The following ADGRD1 variants were observed in gnomAD, a reference collection of about 807,000 sequenced individuals.
The protein encoded by ADGRD1 is adhesion G protein-coupled receptor D1, also known as G-protein coupled receptor 133.
ADGRD1 carries 77 observed loss-of-function variants against 113.4 expected under a neutral mutation model. The observed-to-expected ratio is 0.68, with a 90% CI of 0.57 to 0.82. The LOEUF (loss-of-function observed/expected upper bound fraction) is 0.82. Among genes scored for constraint, ADGRD1 ranks in the 40% least tolerant of loss-of-function variants. The probability of loss-of-function intolerance (pLI) is 0.00; values close to 1 mark genes in which losing one functional copy is unlikely to be tolerated. For missense variants in ADGRD1, 1,036 were observed against 1,139.1 expected (o/e 0.91, Z 1.30); for synonymous variants, 474 against 475.0 (o/e 1.00, Z 0.03).
In ADGRD1 at chr12:131,108,745, G is replaced by A. The variant is rs766209925; in HGVS notation, c.1909G>A (p.Val637Met). ...PGTTPCQVMA[V>M]LLHYFFLSAF... ...CTAGACCCCCTGCCAAGTGATGGCC[G>A]TGCTCCTACACTACTTCTTCCTGAG... is the stretch of plus-strand genomic sequence containing the variant. The change falls in exon 18 of 25, where the codon GTG (valine) becomes ATG (methionine). Residue 637 changes from valine to methionine, a missense_variant. By Grantham distance (21) the Val-to-Met change is conservative. Transcript: ENST00000261654. 6.2e-6 allele frequency: 10 copies of A among 1,613,858 alleles called. No individual in the cohort carries two copies. The African/African-American group carries it at 6.7e-5, about 11-fold the overall frequency.
chr12:131,085,779 G>A (rs1022414946), intron 15 of ADGRD1, among the ~76,000 whole-genome samples: 9 of 152,200 alleles, frequency 5.9e-5, no homozygotes, highest in African/African-American at 1.9e-4. Context: ...GCTGGTGTTG[G>A]GCATTTTGGG....
Position 131,060,591 on chromosome 12 carries a change from G to A in ADGRD1, c.1474-16210G>A, listed in dbSNP as rs140604246. On this transcript the variant is annotated intron_variant, in intron 13 of 24. Transcript: ENST00000261654. This position sits in a 1 kb window ranked among gnomAD's most constrained non-coding sequence, Gnocchi z 4.4. ...TTACGGACACCAGCAGCCTCTCCAG[G>A]GGCATCAGCAGCCGTACCACTAAAC... Among the ~76,000 whole-genome samples, 2 of 152,222 alleles carry A rather than the reference G, an allele frequency of 1.3e-5. No homozygotes were observed. The highest frequency in any genetic ancestry group is 2.4e-5 in the African/African-American group (1 of 41,552).
At chr12:131,053,372 C>G (rs747648907) in intron 13 of ADGRD1, among the ~76,000 whole-genome samples, 30 of 152,222 alleles carry the variant, frequency 2.0e-4, no homozygotes, top group Non-Finnish European at 1.9e-4. Context: ...CGTCTTCATT[C>G]GATCAAGGCT....
At chr12:131,098,535 G>A (rs1949997482) in intron 15 of ADGRD1, among the ~76,000 whole-genome samples, 1 of 152,172 alleles carries the variant, frequency 6.6e-6, no homozygotes. Context: ...TCAAGGCAGA[G>A]GCTCTAGAAA....
At chr12:131,071,926 C>T (rs1001593659) in intron 13 of ADGRD1, among the ~76,000 whole-genome samples, 4 of 150,806 alleles carry the variant, frequency 2.7e-5, no homozygotes, top group South Asian at 2.2e-4. Flanking sequence ...CTGTGGGTCC[C>T]GGCCTGGCTT....
chr12:131,079,710 G>GT (rs1182149257), intron 14 of ADGRD1, among the ~76,000 whole-genome samples: 4 of 152,028 alleles, frequency 2.6e-5, no homozygotes, highest in Admixed American at 1.3e-4. Context: ...AGCAGTTTAT[G>GT]TTTTTTTGAA....
intron 20 of ADGRD1, among the ~76,000 whole-genome samples, chr12:131,122,509 G>T (rs1211610): frequency 0.81 from 123,554 of 151,956 alleles, 51,672 homozygotes; most frequent in Middle Eastern, 0.95. Context: ...CGCGCTCTCT[G>T]GGGGTCTGGG....
chr12:131,076,099 C>T (rs577371585), intron 13 of ADGRD1, among the ~76,000 whole-genome samples: 28 of 152,172 alleles, frequency 1.8e-4, no homozygotes, highest in Non-Finnish European at 4.1e-4. Flanking sequence ...CAGGAGAGAA[C>T]GCCAGTCTCC....
In ADGRD1 at chr12:130,971,933, A is replaced by G. The variant is rs1236492609; in HGVS notation, c.310+353A>G. 6.6e-6 allele frequency among the ~76,000 whole-genome samples: 1 copy of G among 152,160 alleles called. No homozygotes were observed. The highest frequency in any genetic ancestry group is 1.5e-5 in the Non-Finnish European group (1 of 68,030). Reference sequence around the variant, plus strand: ...GTGGGAAGGAAATTGATGGCATGGCACCTGCAGTGTGATTTCTGGCTCTGG... The same window carrying G: ...GTGGGAAGGAAATTGATGGCATGGCGCCTGCAGTGTGATTTCTGGCTCTGG... On this transcript the variant is annotated intron_variant, in intron 4 of 24. Transcript: ENST00000261654. This position sits in a 1 kb window ranked among gnomAD's most constrained non-coding sequence, Gnocchi z 4.2.
chr12:131,080,190 T>C (rs1885955933), intron 14 of ADGRD1, among the ~76,000 whole-genome samples: 1 of 152,214 alleles, frequency 6.6e-6, no homozygotes, highest in Non-Finnish European at 1.5e-5. Context: ...ATTTAAAATA[T>C]TTTCTAATTT....
chr12:131,084,072 C>G lies in ADGRD1; in HGVS notation c.1548-468C>G, dbSNP rs530315350. On this transcript the variant is annotated intron_variant, in intron 14 of 24. Coordinates refer to ENST00000261654, the MANE Select transcript of ADGRD1 (RefSeq NM_198827.5). The surrounding 1 kb of genome is among the most constrained non-coding windows in gnomAD (Gnocchi z 4.5). ...TTTTAACCGATGCGAGGTCTTTTAT[C>G]ATATTTCTCTCTCCCACACTGCACT... 2.6e-5 allele frequency among the ~76,000 whole-genome samples: 4 copies of G among 152,324 alleles called. No homozygotes were observed. The East Asian group carries it at 7.7e-4, about 29-fold the overall frequency.
intron 12 of ADGRD1, among the ~76,000 whole-genome samples, chr12:131,013,903 G>A (rs1053513764): frequency 6.6e-6 from 1 of 152,214 alleles, no homozygotes; most frequent in South Asian, 2.1e-4. Context: ...ACTCTTTGAG[G>A]TCGAGGGCTC....
At position 131,084,709 on chromosome 12, in the gene ADGRD1, T is replaced by C. The variant is rs1886331359; in HGVS notation, c.1671+46T>C. 6 of 1,604,540 alleles carry C rather than the reference T, an allele frequency of 3.7e-6. No homozygotes were observed. Among genetic ancestry groups the C allele is most frequent in the Non-Finnish European group, 5.1e-6 (6 of 1,175,706 alleles). On this transcript the variant is annotated intron_variant, in intron 15 of 24. Transcript: ENST00000261654. This position sits in a 1 kb window ranked among gnomAD's most constrained non-coding sequence, Gnocchi z 4.5. ...GTCGCGGGACCTGGGGGACGTACCA[T>C]GAGGCTGCAGGTGGGGGCGGGAGGA... is the stretch of plus-strand genomic sequence containing the variant.
At chr12:131,085,522 G>A (rs1394259386) in intron 15 of ADGRD1, among the ~76,000 whole-genome samples, 1 of 152,172 alleles carries the variant, frequency 6.6e-6, no homozygotes, top group African/African-American at 2.4e-5. Flanking sequence ...GCTGTGCCTG[G>A]GAGCAGCTTG....
rs370574053 is a variant in ADGRD1, at chr12:131,057,210, G to A, written c.1474-19591G>A. ...ACAGGTTTGAAGAACTGCACGGAAC[G>A]CTGCCTGGCGAGCGCCTGCTGGTGT... is the stretch of plus-strand genomic sequence containing the variant. On this transcript the variant is annotated intron_variant, in intron 13 of 24. Coordinates refer to ENST00000261654, the MANE Select transcript of ADGRD1 (RefSeq NM_198827.5). The surrounding 1 kb of genome is among the most constrained non-coding windows in gnomAD (Gnocchi z 4.2). Among the ~76,000 whole-genome samples, 1 of 152,188 alleles carries A rather than the reference G, an allele frequency of 6.6e-6. No individual in the cohort carries two copies. Among genetic ancestry groups the A allele is most frequent in the Non-Finnish European group, 1.5e-5 (1 of 68,036 alleles).
intron 2 of ADGRD1, chr12:130,957,736 C>T (rs964450891): frequency 6.6e-6 from 1 of 152,320 alleles, no homozygotes; most frequent in East Asian, 1.9e-4. Flanking sequence ...CTTAGAGAAA[C>T]GACGGCCATG....
At chr12:131,132,125 A>G (rs1186509940) in intron 21 of ADGRD1, among the ~76,000 whole-genome samples, 1 of 152,208 alleles carries the variant, frequency 6.6e-6, no homozygotes, top group Non-Finnish European at 1.5e-5. Context: ...GGAAGATTCT[A>G]GAGCCAGAAA....
chr12:130,996,317 C>T (rs34713357), intron 8 of ADGRD1, among the ~76,000 whole-genome samples: 10,062 of 134,282 alleles, frequency 0.075, 444 homozygotes, highest in Non-Finnish European at 0.11. Context: ...GGGTGGTGGC[C>T]GGGCAGAGGG....
chr12:130,958,388 C>T (rs1034972527), intron 2 of ADGRD1, among the ~76,000 whole-genome samples: 12 of 152,014 alleles, frequency 7.9e-5, no homozygotes, highest in Middle Eastern at 3.4e-3. Flanking sequence ...TTAGTAGAGA[C>T]GGGGTTTCAC....
Sources: allele counts gnomAD v4.1 joint callset (sites outside exome capture counted in the v4.1 genomes callset), GRCh38; gene constraint gnomAD v4.1.1; non-coding constraint Gnocchi (gnomAD v3.1); transcripts MANE v1.5; gene names NCBI Gene and HGNC (gene_info 2026-07-23, HGNC 2026-07-21).